GFM2: variants seen among roughly 807,000 people sequenced by gnomAD.
The protein encoded by GFM2 is GTP dependent ribosome recycling factor mitochondrial 2.
In GFM2, 72 loss-of-function variants were observed where a neutral mutation model predicts 95.4. The ratio of observed to expected loss-of-function variants is 0.76; its 90% CI spans 0.62 to 0.92. The LOEUF is 0.92. Ranked by LOEUF, GFM2 falls within the 40% of genes least tolerant of loss-of-function variation. The probability of loss-of-function intolerance (pLI) is 0.00; values close to 1 mark genes in which losing one functional copy is unlikely to be tolerated. For missense variants in GFM2, 825 were observed against 924.1 expected (o/e 0.89, Z 1.39); for synonymous variants, 276 against 317.5 (o/e 0.87, Z 1.39).
chr5:74,757,838 G>A (rs916304346), intron 5 of GFM2, among the ~76,000 whole-genome samples: 2 of 151,438 alleles, frequency 1.3e-5, no homozygotes, highest in African/African-American at 4.9e-5. Flanking sequence ...AAATAAACCA[G>A]TCATAGAAAG....
intron 5 of GFM2, among the ~76,000 whole-genome samples, chr5:74,757,037 C>T (rs1295767333): frequency 1.3e-5 from 2 of 151,994 alleles, no homozygotes; most frequent in Non-Finnish European, 2.9e-5. Context: ...TGTAACCAAC[C>T]ACCTGTTCTC....
intron 19 of GFM2, among the ~76,000 whole-genome samples, chr5:74,724,876 C>T (rs767417122): frequency 1.3e-4 from 20 of 152,064 alleles, no homozygotes; most frequent in Non-Finnish European, 2.4e-4. Flanking sequence ...ATTCAGCATA[C>T]CACACTCCTG....
chr5:74,724,312 TA>T (rs1199943702), intron 19 of GFM2, among the ~76,000 whole-genome samples: 1 of 152,068 alleles, frequency 6.6e-6, no homozygotes, highest in Non-Finnish European at 1.5e-5. Flanking sequence ...GTTTCAATAT[TA>T]AAACCAATTT....
rs375996126 is a variant in GFM2, at chr5:74,738,464, G to A, written c.1220+38C>T. 3.1e-6 allele frequency: 5 copies of A among 1,610,336 alleles called. No homozygotes were observed. The East Asian group carries it at 8.9e-5, about 29-fold the overall frequency. ...TTAGTAAAAGTATTTTTAAAGAAGT[G>A]CATACAGTTTTATAAAATAATCTAA... On this transcript the variant is annotated intron_variant, in intron 13 of 20. Transcript: ENST00000296805.
intron 5 of GFM2, 150 bp from the exon 6 acceptor site, chr5:74,751,643 A>G: frequency 1.9e-6 from 1 of 518,842 alleles, no homozygotes; most frequent in Non-Finnish European, 3.3e-6. Flanking sequence ...TCACTAAGTA[A>G]ATCCTCATGG....
chr5:74,747,574 T>C, intron 8 of GFM2, 118 bp downstream of exon 8: 1 of 604,014 alleles, frequency 1.7e-6, no homozygotes, highest in Non-Finnish European at 2.9e-6. Context: ...CCATGGAATA[T>C]TTATACCCTA....
chr5:74,727,974 C>T (rs997660247), intron 17 of GFM2, among the ~76,000 whole-genome samples: 3 of 152,096 alleles, frequency 2.0e-5, no homozygotes, highest in Non-Finnish European at 4.4e-5. Context: ...GCTGAAACTC[C>T]GTACCCCACT....
chr5:74,763,632 A>G (rs1343444799), intron 2 of GFM2, 48 bp downstream of exon 2: 1 of 1,062,782 alleles, frequency 9.4e-7, no homozygotes, highest in Admixed American at 1.7e-5. Flanking sequence ...TAGGCAGTAA[A>G]GGAGCTGAGG....
chr5:74,727,799 G>A (rs1159333161), intron 17 of GFM2, among the ~76,000 whole-genome samples: 1 of 152,102 alleles, frequency 6.6e-6, no homozygotes, highest in Non-Finnish European at 1.5e-5. Context: ...TATGGGGTAT[G>A]TGATGTTTCA....
At chr5:74,746,930 G>A (rs1743417742) in intron 8 of GFM2, among the ~76,000 whole-genome samples, 1 of 152,228 alleles carries the variant, frequency 6.6e-6, no homozygotes, top group South Asian at 2.1e-4. Flanking sequence ...TATAGAGAGG[G>A]AGATAAACAC....
At chr5:74,743,809 C>T (rs1054347635) in intron 10 of GFM2, among the ~76,000 whole-genome samples, 1 of 152,180 alleles carries the variant, frequency 6.6e-6, no homozygotes, top group Admixed American at 6.5e-5. Context: ...GGTTCAGATT[C>T]TAGCTCAGCC....
chr5:74,728,729 CT>C (rs1750265266), intron 17 of GFM2, among the ~76,000 whole-genome samples: 1 of 70,980 alleles, frequency 1.4e-5, no homozygotes, highest in Non-Finnish European at 3.3e-5. Flanking sequence ...AGTTAATATT[CT>C]TTTATGTGTG....
Position 74,721,301 on chromosome 5 carries a change from T to C in GFM2, c.*354A>G, listed in dbSNP as rs1403109078. On this transcript the variant is annotated 3_prime_UTR_variant, in exon 21 of 21. Coordinates refer to ENST00000296805, the MANE Select transcript of GFM2 (RefSeq NM_032380.5). ...TTTATTGATTGAACCTTTGACCCTC[T>C]ATCTTATTACATTTAGAGGCCTGGC... 1.2e-6 allele frequency: 1 copy of C among 857,924 alleles called. No individual in the cohort carries two copies. The allele number at this position is 857,924 out of a possible 1,614,324, so 53.1% of individuals were successfully genotyped here.
rs1561236983 is a variant in GFM2, at chr5:74,728,769, T to TTTTTTTTGAG, written c.1726+1490_1726+1491insCTCAAAAAAA. Among the ~76,000 whole-genome samples, 4 of 111,398 alleles carry TTTTTTTTGAG rather than the reference T, an allele frequency of 3.6e-5. 1 individual carries two copies. The highest frequency in any genetic ancestry group is 8.7e-5 in the Admixed American group (1 of 11,438). The allele number at this position is 111,398 out of a possible 152,430, so 73.1% of individuals were successfully genotyped here. On this transcript the variant is annotated intron_variant, in intron 17 of 20. Transcript: ENST00000296805. ...GTTTCTTTTTTTTTTTTTTTTTTTTTTTTTTGAGATGGCGTCTCACTCTGT... is the reference window on the plus strand; with the variant it reads ...GTTTCTTTTTTTTTTTTTTTTTTTTTTTTTTTTGAGTTTTTGAGATGGCGTCTCACTCTGT...
chr5:74,733,135 T>A (rs1579980077), intron 15 of GFM2, 37 bp from the exon 16 acceptor site: 1 of 1,412,160 alleles, frequency 7.1e-7, no homozygotes, highest in Non-Finnish European at 1.0e-6. Flanking sequence ...ACATTTCATT[T>A]TTTAAATAAT....
chr5:74,728,636 T>C (rs1051430193), intron 17 of GFM2, among the ~76,000 whole-genome samples: 1 of 152,152 alleles, frequency 6.6e-6, no homozygotes, highest in South Asian at 2.1e-4. Flanking sequence ...CTGAAGCCTT[T>C]GCTGGTATGA....
At chr5:74,728,773 T>TTTTGAGATTG in intron 17 of GFM2, among the ~76,000 whole-genome samples, 1 of 141,314 alleles carries the variant, frequency 7.1e-6, no homozygotes, top group African/African-American at 2.7e-5. Context: ...TTTTTTTTTT[T>TTTTGAGATTG]TGAGATGGCG....
At chr5:74,727,266 A>G (rs1487344182) in intron 17 of GFM2, among the ~76,000 whole-genome samples, 4 of 152,150 alleles carry the variant, frequency 2.6e-5, no homozygotes, top group African/African-American at 9.7e-5. Flanking sequence ...TAAAACTACT[A>G]AAGAGAGTAT....
chr5:74,745,960 T>TC (rs1743363956), intron 9 of GFM2, 103 bp from the exon 10 acceptor site: 2 of 1,125,004 alleles, frequency 1.8e-6, no homozygotes, highest in African/African-American at 3.3e-5. Context: ...AAATGTCTAT[T>TC]ATCACCATTA....
Sources: allele counts gnomAD v4.1 joint callset (sites outside exome capture counted in the v4.1 genomes callset), GRCh38; gene constraint gnomAD v4.1.1; transcripts MANE v1.5; gene names NCBI Gene and HGNC (gene_info 2026-07-23, HGNC 2026-07-21).